KIF26B: variants seen among roughly 807,000 people sequenced by gnomAD.
KIF26B encodes the protein kinesin family member 26B, also known as kinesin-like protein KIF26B.
Under a neutral mutation model 151.2 loss-of-function variants are expected in KIF26B, and 63 were observed. The ratio of observed to expected loss-of-function variants is 0.42; its 90% CI spans 0.34 to 0.51. The LOEUF is 0.51. Ranked by LOEUF, KIF26B falls within the 20% of genes least tolerant of loss-of-function variation. The pLI, the probability that KIF26B is intolerant of heterozygous loss-of-function variation, is 0.07. For missense variants in KIF26B, 2,813 were observed against 2,913.6 expected (o/e 0.97, Z 0.79); for synonymous variants, 1,357 against 1,262.1 (o/e 1.08, Z -1.59).
chr1:245,303,218 C>T (rs12065218), intron 2 of KIF26B, among the ~76,000 whole-genome samples: 31 of 80,548 alleles, frequency 3.8e-4, no homozygotes, highest in African/African-American at 1.4e-3. Context: ...TTTTTTTTTG[C>T]GACGGAGTCT....
intron 5 of KIF26B, among the ~76,000 whole-genome samples, chr1:245,553,629 A>G (rs1370005983): frequency 6.6e-6 from 1 of 152,134 alleles, no homozygotes; most frequent in Non-Finnish European, 1.5e-5. Flanking sequence ...ACTCAAAATG[A>G]CTTTGAAAAG....
At chr1:245,297,415 G>A (rs1024242221) in intron 2 of KIF26B, among the ~76,000 whole-genome samples, 1 of 152,144 alleles carries the variant, frequency 6.6e-6, no homozygotes, top group African/African-American at 2.4e-5. Flanking sequence ...GAGAGGCCAG[G>A]TGACTTAACT....
intron 2 of KIF26B, among the ~76,000 whole-genome samples, chr1:245,342,204 G>C (rs1461145530): frequency 3.3e-5 from 5 of 152,124 alleles, no homozygotes; most frequent in Non-Finnish European, 7.4e-5. Flanking sequence ...ATGTACCCCT[G>C]ACCAATTTTT....
intron 2 of KIF26B, among the ~76,000 whole-genome samples, chr1:245,165,068 CT>C (rs1668593221): frequency 4.7e-5 from 1 of 21,276 alleles, no homozygotes; most frequent in Non-Finnish European, 1.1e-3. Flanking sequence ...GAGACTCCAT[CT>C]TTAAAAAAAA....
intron 2 of KIF26B, among the ~76,000 whole-genome samples, chr1:245,285,803 C>T (rs10924152): frequency 0.39 from 58,889 of 151,416 alleles, 11,837 homozygotes; most frequent in East Asian, 0.59. Context: ...AGCAACAAAG[C>T]AAGACTCCAT....
rs201047347 is a variant in KIF26B, at chr1:245,619,774, A to G, written c.2098+7798A>G. ...CTAAAAATACAAAAATTAGCCAGGC[A>G]TGGTGGCGGGCGCCTGTAGTCCCAG... On this transcript the variant is annotated intron_variant, in intron 9 of 14. Coordinates refer to ENST00000407071, the MANE Select transcript of KIF26B (RefSeq NM_018012.4). 1.7e-3 allele frequency among the ~76,000 whole-genome samples: 251 copies of G among 148,992 alleles called. 4 individuals are homozygous for G. The East Asian group carries it at 0.042, about 25-fold the overall frequency.
At chr1:245,581,849 C>T (rs531827129) in intron 5 of KIF26B, among the ~76,000 whole-genome samples, 18 of 151,684 alleles carry the variant, frequency 1.2e-4, no homozygotes, top group South Asian at 6.3e-4. Flanking sequence ...CCCAGAAGGC[C>T]GAGGCCACAG....
At chr1:245,156,736 C>T in intron 2 of KIF26B, 53 bp downstream of exon 2, 1 of 1,220,350 alleles carries the variant, frequency 8.2e-7, no homozygotes, top group Non-Finnish European at 1.1e-6. Context: ...GGGGCCGGGC[C>T]GCCACCCACA....
intron 4 of KIF26B, among the ~76,000 whole-genome samples, chr1:245,429,248 A>T (rs1257112065): frequency 6.6e-6 from 1 of 152,212 alleles, no homozygotes; most frequent in Non-Finnish European, 1.5e-5. Flanking sequence ...CACGTGCTAT[A>T]AAAAGGATGG....
chr1:245,176,385 T>C (rs1033870351), intron 2 of KIF26B, among the ~76,000 whole-genome samples: 2 of 152,190 alleles, frequency 1.3e-5, no homozygotes, highest in African/African-American at 4.8e-5. Flanking sequence ...AAGTTGCTAA[T>C]AAGTAGAATG....
intron 12 of KIF26B, among the ~76,000 whole-genome samples, chr1:245,694,813 T>C (rs1287234541): frequency 1.3e-5 from 2 of 152,226 alleles, no homozygotes; most frequent in Non-Finnish European, 2.9e-5. Flanking sequence ...GGCCATTTCA[T>C]GCGGTAAATC....
At chr1:245,439,697 G>C (rs1284216607) in intron 4 of KIF26B, among the ~76,000 whole-genome samples, 1 of 152,126 alleles carries the variant, frequency 6.6e-6, no homozygotes, top group Non-Finnish European at 1.5e-5. Flanking sequence ...AAACATTTTG[G>C]GTAAAATAAT....
chr1:245,708,464 AG>A lies in KIF26B; in HGVS notation c.*5860del, dbSNP rs1558285252. 1 of 152,200 alleles carries A rather than the reference AG, an allele frequency of 6.6e-6. No homozygotes were observed. The highest frequency in any genetic ancestry group is 2.4e-5 in the African/African-American group (1 of 41,440). The allele number at this position is 152,200 out of a possible 1,614,324, so 9.4% of individuals were successfully genotyped here. ...GACATGAACACATACCATTCCTCTA[AG>A]GTGTGTGTACATACACGGATGTGTG... On this transcript the variant is annotated 3_prime_UTR_variant, in exon 15 of 15. Coordinates refer to ENST00000407071, the MANE Select transcript of KIF26B (RefSeq NM_018012.4).
Position 245,685,757 on chromosome 1 carries a change from C to T in KIF26B, c.2774C>T (p.Thr925Met), listed in dbSNP as rs375857224. 5.0e-5 allele frequency: 80 copies of T among 1,612,308 alleles called. No homozygotes were observed. The highest frequency in any genetic ancestry group is 6.3e-5 in the Non-Finnish European group (74 of 1,179,516). ...GAAAGGGACTGCCTGAAGTGCAACACGTTTGCCGAGCTGCAGGAGAGGCTG... is the reference window on the plus strand; with the variant it reads ...GAAAGGGACTGCCTGAAGTGCAACATGTTTGCCGAGCTGCAGGAGAGGCTG... ...KSERDCLKCN[T>M]FAELQERLDC... The change falls in exon 12 of 15, where the codon ACG (threonine) becomes ATG (methionine). Residue 925 changes from threonine to methionine, a missense_variant. Thr to Met is a moderately conservative substitution (Grantham distance 81, BLOSUM62 -1). This residue lies in a region of KIF26B where 2,060 missense variants were observed against 2,088.6 expected (regional missense o/e 0.99). Coordinates refer to ENST00000407071, the MANE Select transcript of KIF26B (RefSeq NM_018012.4).
intron 2 of KIF26B, among the ~76,000 whole-genome samples, chr1:245,287,107 T>C (rs1671175928): frequency 6.6e-6 from 1 of 152,074 alleles, no homozygotes; most frequent in Admixed American, 6.6e-5. Context: ...AGACTCTGTC[T>C]CAAAAAAAAC....
At chr1:245,158,113 T>A (rs1364761585) in intron 2 of KIF26B, among the ~76,000 whole-genome samples, 2 of 152,192 alleles carry the variant, frequency 1.3e-5, no homozygotes, top group Admixed American at 1.3e-4. Flanking sequence ...CTGATAAAGA[T>A]GGAAGGACCT....
At chr1:245,515,485 GC>G (rs79419246) in intron 4 of KIF26B, among the ~76,000 whole-genome samples, 37,344 of 152,146 alleles carry the variant, frequency 0.25, 5,612 homozygotes, top group East Asian at 0.49. Context: ...TCCCTGCCCT[GC>G]CTCAGGTCTT....
intron 2 of KIF26B, among the ~76,000 whole-genome samples, chr1:245,256,877 A>G (rs971234010): frequency 1.3e-5 from 2 of 152,240 alleles, no homozygotes; most frequent in African/African-American, 4.8e-5. Flanking sequence ...GTATTTTGAA[A>G]TGTCCCTGCA....
chr1:245,585,853 CTT>C (rs901241474), intron 5 of KIF26B, among the ~76,000 whole-genome samples: 2 of 152,158 alleles, frequency 1.3e-5, no homozygotes, highest in Non-Finnish European at 2.9e-5. Flanking sequence ...ACAGCCGACT[CTT>C]AACTACAGTT....
Sources: allele counts gnomAD v4.1 joint callset (sites outside exome capture counted in the v4.1 genomes callset), GRCh38; gene constraint gnomAD v4.1.1; regional missense constraint gnomAD v4.1.1; transcripts MANE v1.5; gene names NCBI Gene and HGNC (gene_info 2026-07-23, HGNC 2026-07-21).